The following LRP6 variants were observed in gnomAD, a reference collection of about 807,000 sequenced individuals.
LRP6 encodes the protein low-density lipoprotein receptor-related protein 6.
Under a neutral mutation model 184.1 loss-of-function variants are expected in LRP6, and 43 were observed. The ratio of observed to expected loss-of-function variants is 0.23; its 90% CI spans 0.18 to 0.30. LRP6 has a LOEUF of 0.30. LRP6 is among the 10% of genes least tolerant of loss of function. LRP6 has a pLI of 1.00. For missense variants in LRP6, 1,571 were observed against 2,005.3 expected, an observed-to-expected ratio of 0.78 and a Z score of 4.14; for synonymous variants, 719 against 684.9, an observed-to-expected ratio of 1.05 and a Z score of -0.78.
At chr12:12,234,655 AC>A (rs1864886714) in intron 2 of LRP6, among the ~76,000 whole-genome samples, 1 of 151,484 alleles carries the variant, frequency 6.6e-6, no homozygotes, top group Admixed American at 6.6e-5. Flanking sequence ...ACATGGTGAA[AC>A]CCCGCCTCTA....
intron 12 of LRP6, among the ~76,000 whole-genome samples, chr12:12,154,877 A>G (rs1162329513): frequency 6.6e-6 from 1 of 152,186 alleles, no homozygotes; most frequent in Non-Finnish European, 1.5e-5. Flanking sequence ...AATTATCTCT[A>G]TTTTATAGGC....
chr12:12,155,073 G>A (rs184642551), intron 12 of LRP6, among the ~76,000 whole-genome samples: 3 of 152,248 alleles, frequency 2.0e-5, no homozygotes, highest in East Asian at 3.9e-4. Flanking sequence ...ATGCACGCCT[G>A]TAAACTCAGC....
intron 15 of LRP6, among the ~76,000 whole-genome samples, chr12:12,144,666 T>C (rs1344134457): frequency 2.6e-5 from 4 of 151,938 alleles, no homozygotes; most frequent in African/African-American, 9.7e-5. Context: ...CAAAAGATAG[T>C]TTAAAATATT....
At chr12:12,159,301 A>C (rs1862682603) in intron 11 of LRP6, 146 bp from the exon 12 acceptor site, 4 of 678,692 alleles carry the variant, frequency 5.9e-6, no homozygotes, top group Non-Finnish European at 1.0e-5. Flanking sequence ...AAATTCATTT[A>C]AAAGCAATTC....
intron 1 of LRP6, among the ~76,000 whole-genome samples, chr12:12,262,499 A>C (rs895917308): frequency 4.0e-5 from 6 of 151,778 alleles, no homozygotes; most frequent in Non-Finnish European, 7.4e-5. Context: ...CAGAGATTGC[A>C]GTGAGCCAAG....
chr12:12,240,611 T>C (rs139080644), intron 2 of LRP6, among the ~76,000 whole-genome samples: 58 of 152,110 alleles, frequency 3.8e-4, no homozygotes, highest in African/African-American at 1.1e-3. Context: ...ATACATACTT[T>C]TAAAATATAA....
chr12:12,158,724 T>G, intron 12 of LRP6, 105 bp downstream of exon 12: 1 of 1,128,102 alleles, frequency 8.9e-7, no homozygotes, highest in Middle Eastern at 2.5e-4. Flanking sequence ...AATAACCCCC[T>G]CTGGATTTCC....
At chr12:12,172,543 T>G (rs1358913653) in intron 7 of LRP6, among the ~76,000 whole-genome samples, 1 of 151,860 alleles carries the variant, frequency 6.6e-6, no homozygotes, top group Non-Finnish European at 1.5e-5. Flanking sequence ...TGTGCTAGAG[T>G]TGGAATGCTA....
chr12:12,264,432 A>C (rs1288604714), intron 1 of LRP6, among the ~76,000 whole-genome samples: 1 of 152,176 alleles, frequency 6.6e-6, no homozygotes, highest in Non-Finnish European at 1.5e-5. Flanking sequence ...AAATTCCCAA[A>C]TCTTTCCTTT....
Position 12,152,802 on chromosome 12 carries a change from C to G in LRP6, c.2792-1764G>C, listed in dbSNP as rs146628130. Among the ~76,000 whole-genome samples the G allele has an allele frequency of 5.8e-3, 877 of 152,330 alleles. 8 individuals are homozygous for G. The highest frequency in any genetic ancestry group is 0.02 in the African/African-American group (814 of 41,580). ...ATTTCCTCCTATTCCCCATTCTTCA[C>G]AGCTCCATTATTTGTGGTCTCTCAG... On this transcript the variant is annotated intron_variant, in intron 12 of 22. Coordinates refer to ENST00000261349, the MANE Select transcript of LRP6 (RefSeq NM_002336.3).
At chr12:12,241,736 T>C (rs1433970218) in intron 2 of LRP6, among the ~76,000 whole-genome samples, 1 of 152,122 alleles carries the variant, frequency 6.6e-6, no homozygotes, top group East Asian at 1.9e-4. Flanking sequence ...GACCAAGCCT[T>C]TAGTCCACAG....
intron 2 of LRP6, chr12:12,210,982 T>G (rs536676525): frequency 6.6e-6 from 1 of 152,318 alleles, no homozygotes; most frequent in East Asian, 1.9e-4. Context: ...AAAAGAATTG[T>G]GAAGAAATCG....
chr12:12,145,362 A>G (rs1350200291), intron 15 of LRP6, among the ~76,000 whole-genome samples: 1 of 152,202 alleles, frequency 6.6e-6, no homozygotes, highest in African/African-American at 2.4e-5. Flanking sequence ...AAATAATTAT[A>G]AATGTATTCA....
At chr12:12,162,524 C>T in intron 9 of LRP6, 105 bp from the exon 10 acceptor site, 1 of 876,920 alleles carries the variant, frequency 1.1e-6, no homozygotes, top group Non-Finnish European at 1.9e-6. Context: ...TCCAGAAGTG[C>T]CAAGAGGCAT....
chr12:12,180,778 C>T (rs1365119427), intron 6 of LRP6, among the ~76,000 whole-genome samples: 2 of 152,076 alleles, frequency 1.3e-5, no homozygotes, highest in Non-Finnish European at 2.9e-5. Flanking sequence ...ATGATGCAAT[C>T]CGAGCAAAAT....
intron 1 of LRP6, among the ~76,000 whole-genome samples, chr12:12,246,156 C>T (rs529661228): frequency 6.6e-6 from 1 of 151,964 alleles, no homozygotes. Context: ...GTGCCCACCA[C>T]TATGGGTCCG....
At chr12:12,224,691 AT>A (rs1193677458) in intron 2 of LRP6, among the ~76,000 whole-genome samples, 1 of 152,228 alleles carries the variant, frequency 6.6e-6, no homozygotes, top group Non-Finnish European at 1.5e-5. Context: ...CTGATATAAC[AT>A]GGGTTCACTT....
chr12:12,150,855 G>A lies in LRP6; in HGVS notation c.2975C>T (p.Ala992Val). 2.5e-6 allele frequency: 4 copies of A among 1,613,838 alleles called. No homozygotes were observed. The highest frequency in any genetic ancestry group is 3.4e-6 in the Non-Finnish European group (4 of 1,180,008). The change falls in exon 13 of 23, where the codon GCA becomes GTA. Residue 992 changes from alanine to valine, a missense_variant. Physicochemically the swap from Ala to Val is moderately conservative, Grantham distance 64. Coordinates refer to ENST00000261349, the MANE Select transcript of LRP6 (RefSeq NM_002336.3). ...IDSRQNMIRK[A>V]QEDGSQGFTV... ...AATTACCTGGCTGCCATCTTCTTGT[G>A]CCTTTCGGATCATGTTTTGTCGTGA...
At chr12:12,214,876 CAAAT>C (rs1006216283) in intron 2 of LRP6, among the ~76,000 whole-genome samples, 1 of 152,134 alleles carries the variant, frequency 6.6e-6, no homozygotes, top group African/African-American at 2.4e-5. Context: ...CTCAAAGTAT[CAAAT>C]AACTGAAACT....
Sources: allele counts gnomAD v4.1 joint callset (sites outside exome capture counted in the v4.1 genomes callset), GRCh38; gene constraint gnomAD v4.1.1; transcripts MANE v1.5; gene names NCBI Gene and HGNC (gene_info 2026-07-23, HGNC 2026-07-21).